The following PTPRD variants were observed in gnomAD, a reference collection of about 807,000 sequenced individuals.
PTPRD encodes protein tyrosine phosphatase receptor type D, also known as receptor-type tyrosine-protein phosphatase delta.
PTPRD carries 34 observed loss-of-function variants against 214.5 expected under a neutral mutation model. That is an observed-to-expected ratio of 0.16 (90% CI 0.12 to 0.21). PTPRD has a LOEUF of 0.21. Among genes scored for constraint, PTPRD ranks in the 10% least tolerant of loss-of-function variants. The pLI, the probability that PTPRD is intolerant of heterozygous loss-of-function variation, is 1.00. For missense variants in PTPRD, 2,545 were observed against 2,398.7 expected (o/e 1.06, Z -1.27); for synonymous variants, 1,128 against 845.7 (o/e 1.33, Z -5.79).
chr9:9,655,749 G>A (rs991265908), intron 7 of PTPRD, among the ~76,000 whole-genome samples: 28 of 151,886 alleles, frequency 1.8e-4, no homozygotes, highest in African/African-American at 3.9e-4. Flanking sequence ...AGGCAGAGGC[G>A]GGCAGATCAC....
rs143321429 is a variant in PTPRD, at chr9:9,386,133, T to C, written c.-203+11316A>G. Among the ~76,000 whole-genome samples the C allele has an allele frequency of 7.2e-5, 11 of 152,296 alleles. No individual in the cohort carries two copies. The East Asian group carries it at 2.1e-3, about 29-fold the overall frequency. ...AGGTGAAATTGTATTACCTGAGTCC[T>C]AGTCTGTAGGCTTAGTTACAATGAC... On this transcript the variant is annotated intron_variant, in intron 9 of 45. Transcript: ENST00000381196.
intron 2 of PTPRD, among the ~76,000 whole-genome samples, chr9:10,578,776 G>C (rs1203235890): frequency 6.6e-6 from 1 of 152,092 alleles, no homozygotes; most frequent in East Asian, 1.9e-4. Context: ...GTGCAGATTT[G>C]TTACATGGGT....
At chr9:10,402,425 T>C (rs929670604) in intron 2 of PTPRD, among the ~76,000 whole-genome samples, 4 of 151,780 alleles carry the variant, frequency 2.6e-5, no homozygotes, top group Admixed American at 6.6e-5. Context: ...TTATATCTAC[T>C]GAGCATCAGA....
At chr9:9,699,733 T>C (rs1193522748) in intron 7 of PTPRD, among the ~76,000 whole-genome samples, 1 of 152,180 alleles carries the variant, frequency 6.6e-6, no homozygotes, top group Non-Finnish European at 1.5e-5. Context: ...CCGTTAAAGT[T>C]TTAGTAGTTG....
At chr9:9,424,734 G>A (rs1331133683) in intron 8 of PTPRD, among the ~76,000 whole-genome samples, 2 of 152,108 alleles carry the variant, frequency 1.3e-5, no homozygotes, top group Non-Finnish European at 2.9e-5. Flanking sequence ...ACTGACAACT[G>A]TTAGAATTAA....
At chr9:8,801,821 C>A (rs1423163036) in intron 11 of PTPRD, among the ~76,000 whole-genome samples, 1 of 152,244 alleles carries the variant, frequency 6.6e-6, no homozygotes, top group South Asian at 2.1e-4. Flanking sequence ...TGTGGCCTGA[C>A]CTCTGTTTAG....
At chr9:9,929,384 G>A (rs953800083) in intron 5 of PTPRD, among the ~76,000 whole-genome samples, 1 of 152,080 alleles carries the variant, frequency 6.6e-6, no homozygotes, top group African/African-American at 2.4e-5. Flanking sequence ...AATGGGGAGG[G>A]CCAGAAGAGA....
At chr9:8,515,554 C>A (rs1406785484) in intron 21 of PTPRD, among the ~76,000 whole-genome samples, 2 of 152,064 alleles carry the variant, frequency 1.3e-5, no homozygotes, top group East Asian at 1.9e-4. Context: ...TAAGAGTGAC[C>A]CCAAGTCCGT....
intron 3 of PTPRD, among the ~76,000 whole-genome samples, chr9:10,184,997 T>G (rs991957311): frequency 1.3e-5 from 2 of 152,130 alleles, no homozygotes; most frequent in Non-Finnish European, 2.9e-5. Flanking sequence ...TAACCTTTTG[T>G]GTAAAAAATC....
intron 14 of PTPRD, among the ~76,000 whole-genome samples, chr9:8,601,325 C>A (rs114127204): frequency 1.2e-3 from 181 of 152,290 alleles, no homozygotes; most frequent in African/African-American, 4.2e-3. Context: ...AACTCACCAC[C>A]CTTAAAAGAA....
rs377741670 is a variant in PTPRD at position 10,444,329 on chromosome 9, AAAG to A, written c.-599-103315_-599-103313del. Among the ~76,000 whole-genome samples the A allele has an allele frequency of 4.6e-4, 70 of 151,992 alleles. 1 individual carries two copies. The South Asian group carries it at 0.014, about 30-fold the overall frequency. On this transcript the variant is annotated intron_variant, in intron 2 of 45. Transcript: ENST00000381196. ...TAATAAAAGATATTTAATGACTCAC[AAAG>A]AAGAATACGGCCTATTTGAAAAATG...
At chr9:9,520,717 T>C (rs2096950589) in intron 8 of PTPRD, among the ~76,000 whole-genome samples, 1 of 152,188 alleles carries the variant, frequency 6.6e-6, no homozygotes, top group South Asian at 2.1e-4. Context: ...AGCAAACAAC[T>C]TCTCAACTTC....
At chr9:10,149,205 A>G (rs571003495) in intron 3 of PTPRD, among the ~76,000 whole-genome samples, 1 of 152,300 alleles carries the variant, frequency 6.6e-6, no homozygotes, top group African/African-American at 2.4e-5. Flanking sequence ...TATATATCCC[A>G]TGGCAGTCAT....
At chr9:8,404,734 T>G in intron 35 of PTPRD, 74 bp from the exon 36 acceptor site, 1 of 1,485,974 alleles carries the variant, frequency 6.7e-7, no homozygotes. Context: ...TTATCACATG[T>G]AATAAACATG....
intron 14 of PTPRD, among the ~76,000 whole-genome samples, chr9:8,616,953 G>A (rs2095632153): frequency 6.6e-6 from 1 of 152,082 alleles, no homozygotes; most frequent in African/African-American, 2.4e-5. Flanking sequence ...AAGTTCAGTT[G>A]GTAGTGGTTT....
At position 10,300,233 on chromosome 9, in the gene PTPRD, C is replaced by T. The variant is rs113468021; in HGVS notation, c.-545+40730G>A. Among the ~76,000 whole-genome samples the T allele has an allele frequency of 2.0e-5, 3 of 152,134 alleles. 1 individual carries two copies. Among genetic ancestry groups the T allele is most frequent in the African/African-American group, 7.2e-5 (3 of 41,506 alleles). Reference sequence around the variant, plus strand: ...TGGGAAGATTTGCTGGCAAGATGGCCGAATAGGGACAGCTCCGGTCTTCAC... The same window carrying T: ...TGGGAAGATTTGCTGGCAAGATGGCTGAATAGGGACAGCTCCGGTCTTCAC... On this transcript the variant is annotated intron_variant, in intron 3 of 45. Coordinates refer to ENST00000381196, the MANE Select transcript of PTPRD (RefSeq NM_002839.4).
intron 2 of PTPRD, among the ~76,000 whole-genome samples, chr9:10,499,891 T>A (rs1184926449): frequency 6.6e-6 from 1 of 151,834 alleles, no homozygotes; most frequent in Non-Finnish European, 1.5e-5. Context: ...TTTAAAAAAA[T>A]GTTAATTTTA....
chr9:9,148,411 G>C (rs943465270), intron 10 of PTPRD, among the ~76,000 whole-genome samples: 1 of 152,022 alleles, frequency 6.6e-6, no homozygotes, highest in African/African-American at 2.4e-5. Context: ...ATTATATGTG[G>C]AAATAAAATT....
At chr9:9,146,761 T>C (rs1381773462) in intron 10 of PTPRD, among the ~76,000 whole-genome samples, 2 of 152,130 alleles carry the variant, frequency 1.3e-5, no homozygotes, top group East Asian at 3.8e-4. Context: ...AGAAATATGC[T>C]TGGCAAGTAA....
Sources: gnomAD v4.1 joint callset for allele counts (sites outside exome capture counted in the v4.1 genomes callset) on GRCh38, gnomAD v4.1.1 for gene constraint, MANE v1.5 for transcripts, NCBI Gene and HGNC (gene_info 2026-07-23, HGNC 2026-07-21) for gene names.